The following MAPK4 variants were observed in gnomAD, a reference collection of about 807,000 sequenced individuals.
MAPK4 encodes Erk3-related.
In MAPK4, 22 loss-of-function variants were observed where a neutral mutation model predicts 47.7. That is an observed-to-expected ratio of 0.46 (90% CI 0.33 to 0.66). The LOEUF (loss-of-function observed/expected upper bound fraction) is 0.66, where lower values mean the gene tolerates loss of function less well. Ranked by LOEUF, MAPK4 falls within the 30% of genes least tolerant of loss-of-function variation. The pLI is 0.02. For missense variants in MAPK4, 736 were observed against 831.7 expected, an observed-to-expected ratio of 0.88 and a Z score of 1.42; for synonymous variants, 390 against 365.7, an observed-to-expected ratio of 1.07 and a Z score of -0.76.
chr18:50,719,849 A>C (rs914670898), intron 3 of MAPK4, among the ~76,000 whole-genome samples: 1 of 152,234 alleles, frequency 6.6e-6, no homozygotes, highest in Non-Finnish European at 1.5e-5. Context: ...AATCGCTTTC[A>C]GGTTCTCATG....
intron 1 of MAPK4, among the ~76,000 whole-genome samples, chr18:50,620,601 A>AT (rs1270495814): frequency 6.6e-6 from 1 of 152,046 alleles, no homozygotes; most frequent in African/African-American, 2.4e-5. Context: ...CTTCTTGCTC[A>AT]TTTTTTTAAA....
At position 50,588,866 on chromosome 18, in the gene MAPK4, AC is replaced by A. The variant is rs572244679; in HGVS notation, c.-871+28625del. ...CCACTGCACCTGGCTGTTAGACTCC[AC>A]CTCTTAATGTGAGGGGAGATGTGAA... On this transcript the variant is annotated intron_variant, in intron 1 of 5. Coordinates refer to ENST00000400384, the MANE Select transcript of MAPK4 (RefSeq NM_002747.4). 6.4e-4 allele frequency among the ~76,000 whole-genome samples: 97 copies of A among 152,160 alleles called. No homozygotes were observed. In the East Asian group the frequency reaches 0.016, roughly 26 times the overall value.
intron 2 of MAPK4, among the ~76,000 whole-genome samples, chr18:50,691,731 T>C (rs1909228204): frequency 6.6e-6 from 1 of 152,230 alleles, no homozygotes. Flanking sequence ...TTTCAGGTTT[T>C]GCCTAAAGAT....
chr18:50,572,133 C>T (rs1282820555), intron 1 of MAPK4, among the ~76,000 whole-genome samples: 1 of 152,150 alleles, frequency 6.6e-6, no homozygotes, highest in African/African-American at 2.4e-5. Context: ...AGTTTCAATA[C>T]TTGCAGTGTA....
chr18:50,596,725 A>G (rs532454063), intron 1 of MAPK4, among the ~76,000 whole-genome samples: 82 of 152,362 alleles, frequency 5.4e-4, no homozygotes, highest in African/African-American at 1.9e-3. Flanking sequence ...GTAGCAATTC[A>G]TGTCCAAAAG....
At chr18:50,649,953 C>G (rs1202932499) in intron 1 of MAPK4, among the ~76,000 whole-genome samples, 3 of 152,166 alleles carry the variant, frequency 2.0e-5, no homozygotes, top group African/African-American at 7.2e-5. Context: ...CCGCTGCAGG[C>G]CAAATATCCA....
chr18:50,683,122 CT>C (rs58523464), intron 2 of MAPK4, among the ~76,000 whole-genome samples: 11,678 of 149,580 alleles, frequency 0.078, 684 homozygotes, highest in African/African-American at 0.17. Context: ...TGAATATGTT[CT>C]TTTTTTTTTC....
At chr18:50,689,475 A>G (rs1568082131) in intron 2 of MAPK4, among the ~76,000 whole-genome samples, 1 of 150,966 alleles carries the variant, frequency 6.6e-6, no homozygotes, top group African/African-American at 2.4e-5. Context: ...CTGGTGTTCC[A>G]CCTTTGAGGA....
chr18:50,619,451 C>G (rs1262243607), intron 1 of MAPK4, among the ~76,000 whole-genome samples: 2 of 152,038 alleles, frequency 1.3e-5, no homozygotes, highest in African/African-American at 4.8e-5. Context: ...GTAACTAGGA[C>G]TACAGGCATG....
intron 1 of MAPK4, among the ~76,000 whole-genome samples, chr18:50,658,952 A>T (rs2043140865): frequency 6.6e-6 from 1 of 152,252 alleles, no homozygotes; most frequent in South Asian, 2.1e-4. Flanking sequence ...GCAGAGGTCC[A>T]CGAACTACAG....
chr18:50,585,854 A>C lies in MAPK4; in HGVS notation c.-871+25611A>C, dbSNP rs573053469. ...GTGGTAGGAAGGAGAAGTGCTGAGC[A>C]AAGGGGGAAAAGCCTCATCAGATCT... is the stretch of plus-strand genomic sequence containing the variant. On this transcript the variant is annotated intron_variant, in intron 1 of 5. Coordinates refer to ENST00000400384, the MANE Select transcript of MAPK4 (RefSeq NM_002747.4). 4.6e-5 allele frequency among the ~76,000 whole-genome samples: 7 copies of C among 152,344 alleles called. No individual in the cohort carries two copies. In the South Asian group the frequency reaches 1.4e-3, roughly 32 times the overall value.
chr18:50,648,597 A>C (rs1215596672), intron 1 of MAPK4, among the ~76,000 whole-genome samples: 1 of 152,334 alleles, frequency 6.6e-6, no homozygotes, highest in East Asian at 1.9e-4. Context: ...CAGATCCTAC[A>C]GTGCTCTCTG....
chr18:50,575,792 C>CAAAAAAAAAAA (rs540138636), intron 1 of MAPK4, among the ~76,000 whole-genome samples: 9 of 70,126 alleles, frequency 1.3e-4, no homozygotes, highest in African/African-American at 1.7e-4. Context: ...AATCAACAAG[C>CAAAAAAAAAAA]AAAAAAAAAA....
intron 4 of MAPK4, among the ~76,000 whole-genome samples, chr18:50,725,555 A>G (rs892015175): frequency 1.3e-5 from 2 of 152,188 alleles, no homozygotes; most frequent in African/African-American, 4.8e-5. Context: ...CTGTCTCTGG[A>G]GGATCCCAGA....
intron 3 of MAPK4, among the ~76,000 whole-genome samples, chr18:50,719,267 C>A (rs554242185): frequency 6.6e-6 from 1 of 151,902 alleles, no homozygotes. Flanking sequence ...TCCTTGACCA[C>A]GTGCTGGGGA....
chr18:50,613,832 G>A (rs1184599672), intron 1 of MAPK4, among the ~76,000 whole-genome samples: 2 of 152,152 alleles, frequency 1.3e-5, no homozygotes, highest in Admixed American at 1.3e-4. Flanking sequence ...AAGTAAGCCA[G>A]GGCATTGCAT....
chr18:50,632,569 C>A (rs1161823050), intron 1 of MAPK4, among the ~76,000 whole-genome samples: 2 of 151,122 alleles, frequency 1.3e-5, no homozygotes, highest in Admixed American at 1.3e-4. Flanking sequence ...TATTATACAC[C>A]TCTGGACTTT....
At chr18:50,703,294 ACT>A (rs1909884729) in intron 2 of MAPK4, among the ~76,000 whole-genome samples, 1 of 152,026 alleles carries the variant, frequency 6.6e-6, no homozygotes, top group Non-Finnish European at 1.5e-5. Flanking sequence ...AGTAACCTGC[ACT>A]CTCCACCTTG....
At chr18:50,662,302 C>T (rs1352215465) in intron 1 of MAPK4, among the ~76,000 whole-genome samples, 1 of 152,152 alleles carries the variant, frequency 6.6e-6, no homozygotes, top group Non-Finnish European at 1.5e-5. Context: ...TCTAGTTTTG[C>T]AGGGTTTTTC....
Sources: gnomAD v4.1 joint callset for allele counts (sites outside exome capture counted in the v4.1 genomes callset) on GRCh38, gnomAD v4.1.1 for gene constraint, MANE v1.5 for transcripts, NCBI Gene and HGNC (gene_info 2026-07-23, HGNC 2026-07-21) for gene names.